The following CTNNA2 variants were observed in gnomAD, a reference collection of about 807,000 sequenced individuals.
CTNNA2 encodes catenin alpha-2.
Under a neutral mutation model 101.0 loss-of-function variants are expected in CTNNA2, and 42 were observed. The observed-to-expected ratio is 0.42, with a 90% CI of 0.32 to 0.54. CTNNA2 has a LOEUF of 0.54. Among genes scored for constraint, CTNNA2 ranks in the 20% least tolerant of loss-of-function variants. The pLI is 0.14. For missense variants in CTNNA2, 871 were observed against 1,223.1 expected, an observed-to-expected ratio of 0.71 and a Z score of 4.29; for synonymous variants, 450 against 456.4, an observed-to-expected ratio of 0.99 and a Z score of 0.18.
At chr2:79,757,133 AAACTT>A (rs1451680737) in intron 3 of CTNNA2, among the ~76,000 whole-genome samples, 3 of 152,222 alleles carry the variant, frequency 2.0e-5, no homozygotes, top group Non-Finnish European at 4.4e-5. Flanking sequence ...TTTCTAAAAT[AAACTT>A]AGAATAATTT....
chr2:80,458,751 C>T (rs1684184658), intron 9 of CTNNA2, among the ~76,000 whole-genome samples: 1 of 152,144 alleles, frequency 6.6e-6, no homozygotes, highest in African/African-American at 2.4e-5. Context: ...TAGATAACAG[C>T]TAGTTCAGTG....
At chr2:79,503,827 C>T (rs996462280) in intron 4 of CTNNA2, among the ~76,000 whole-genome samples, 4 of 152,012 alleles carry the variant, frequency 2.6e-5, no homozygotes, top group Non-Finnish European at 2.9e-5. Flanking sequence ...ATCCACTACC[C>T]GGCCATTTTG....
chr2:79,678,594 C>A (rs1292088229), intron 2 of CTNNA2, among the ~76,000 whole-genome samples: 2 of 151,888 alleles, frequency 1.3e-5, no homozygotes, highest in African/African-American at 2.4e-5. Context: ...TTCCTTTGAC[C>A]CCAGTGGTAG....
intron 3 of CTNNA2, among the ~76,000 whole-genome samples, chr2:79,353,714 G>A (rs534227400): frequency 1.1e-4 from 16 of 152,094 alleles, no homozygotes; most frequent in Non-Finnish European, 1.6e-4. Context: ...TCATTGTGTC[G>A]TTAGCTTGTT....
intron 7 of CTNNA2, among the ~76,000 whole-genome samples, chr2:80,206,583 A>G (rs1707549493): frequency 6.6e-6 from 1 of 152,194 alleles, no homozygotes; most frequent in African/African-American, 2.4e-5. Flanking sequence ...GTATCTACAT[A>G]TAGTGCGGGC....
chr2:80,599,708 G>A (rs1697301930), intron 15 of CTNNA2, among the ~76,000 whole-genome samples: 1 of 152,106 alleles, frequency 6.6e-6, no homozygotes, highest in Admixed American at 6.6e-5. Flanking sequence ...GGATTTCCCA[G>A]ATGATTCAAA....
At chr2:79,323,176 C>G (rs758259433) in intron 3 of CTNNA2, among the ~76,000 whole-genome samples, 1 of 152,166 alleles carries the variant, frequency 6.6e-6, no homozygotes, top group East Asian at 1.9e-4. Context: ...CTAACATCAG[C>G]CACTCCCTAG....
chr2:79,255,180 A>T (rs1674827960), intron 2 of CTNNA2, among the ~76,000 whole-genome samples: 1 of 152,326 alleles, frequency 6.6e-6, no homozygotes, highest in Admixed American at 6.5e-5. Flanking sequence ...ATTTTCTATA[A>T]GTTGCATTTT....
intron 4 of CTNNA2, among the ~76,000 whole-genome samples, chr2:79,429,266 G>A (rs1340246600): frequency 3.3e-5 from 5 of 151,878 alleles, no homozygotes; most frequent in Non-Finnish European, 5.9e-5. Flanking sequence ...GAAATTTTCT[G>A]TGGAGCCTGA....
At chr2:79,927,322 C>T (rs988281044) in intron 7 of CTNNA2, among the ~76,000 whole-genome samples, 7 of 152,076 alleles carry the variant, frequency 4.6e-5, no homozygotes, top group African/African-American at 1.7e-4. Context: ...TGTTTGGGAA[C>T]AGCTATCCTG....
chr2:79,422,081 A>AG (rs1021462003), intron 4 of CTNNA2, among the ~76,000 whole-genome samples: 18 of 152,206 alleles, frequency 1.2e-4, no homozygotes, highest in African/African-American at 4.3e-4. Flanking sequence ...TGAACCTGGG[A>AG]GGGGGAGGTT....
At chr2:80,432,446 A>T (rs1272235815) in intron 9 of CTNNA2, among the ~76,000 whole-genome samples, 2 of 152,218 alleles carry the variant, frequency 1.3e-5, no homozygotes, top group Non-Finnish European at 2.9e-5. Context: ...ACTTCCCACC[A>T]GATTGCTGCC....
At chr2:80,153,295 C>T (rs1027393914) in intron 7 of CTNNA2, among the ~76,000 whole-genome samples, 4 of 152,132 alleles carry the variant, frequency 2.6e-5, no homozygotes, top group African/African-American at 9.7e-5. Context: ...ATGGTCTTGC[C>T]CTTTCTCAGT....
chr2:79,718,064 T>G (rs1686224379), intron 2 of CTNNA2, among the ~76,000 whole-genome samples: 1 of 152,148 alleles, frequency 6.6e-6, no homozygotes, highest in Non-Finnish European at 1.5e-5. Context: ...TGGGTCAGGT[T>G]TGATCTTTGG....
chr2:80,182,659 A>G (rs1705854639), intron 7 of CTNNA2, among the ~76,000 whole-genome samples: 1 of 152,228 alleles, frequency 6.6e-6, no homozygotes, highest in Non-Finnish European at 1.5e-5. Flanking sequence ...AATAAGGATT[A>G]GATTGAAAAT....
chr2:79,762,478 G>A (rs1020414609), intron 3 of CTNNA2, among the ~76,000 whole-genome samples: 6 of 152,254 alleles, frequency 3.9e-5, no homozygotes, highest in Admixed American at 1.3e-4. Context: ...CTAGAACAAC[G>A]AGTAGATTTT....
intron 3 of CTNNA2, among the ~76,000 whole-genome samples, chr2:79,856,922 C>T (rs1681187374): frequency 6.6e-6 from 1 of 152,186 alleles, no homozygotes; most frequent in Admixed American, 6.5e-5. Context: ...TTTTTCCCCT[C>T]CAGTTTATTT....
chr2:80,289,403 T>C (rs2149175228), intron 7 of CTNNA2, among the ~76,000 whole-genome samples: 1 of 152,282 alleles, frequency 6.6e-6, no homozygotes, highest in African/African-American at 2.4e-5. Context: ...CTACCCCAGT[T>C]CTCGCCTCTT....
intron 2 of CTNNA2, among the ~76,000 whole-genome samples, chr2:79,280,642 T>G (rs1364153883): frequency 7.1e-6 from 1 of 139,948 alleles, no homozygotes; most frequent in East Asian, 2.1e-4. Context: ...TGTGTGTGTG[T>G]GTGTGTGTGT....
Sources: allele counts gnomAD v4.1 joint callset (sites outside exome capture counted in the v4.1 genomes callset), GRCh38; gene constraint gnomAD v4.1.1; transcripts MANE v1.5; gene names NCBI Gene and HGNC (gene_info 2026-07-23, HGNC 2026-07-21).